Variants in RIMS2 observed in about 807,000 individuals in gnomAD.
The protein encoded by RIMS2 is regulating synaptic membrane exocytosis protein 2.
A neutral mutation model predicts 174.4 loss-of-function variants in RIMS2; 59 were observed. The ratio of observed to expected loss-of-function variants is 0.34; its 90% CI spans 0.27 to 0.42. The LOEUF (loss-of-function observed/expected upper bound fraction) is 0.42. Among genes scored for constraint, RIMS2 ranks in the 10% least tolerant of loss-of-function variants. The pLI is 1.00. For missense variants in RIMS2, 1,620 were observed against 1,666.3 expected (o/e 0.97, Z 0.48); for synonymous variants, 606 against 572.5 (o/e 1.06, Z -0.84).
At chr8:103,584,561 GA>G (rs950801829) in intron 1 of RIMS2, among the ~76,000 whole-genome samples, 34 of 152,176 alleles carry the variant, frequency 2.2e-4, no homozygotes, top group African/African-American at 7.7e-4. Context: ...AATTATTTAT[GA>G]AAAAAGAAAA....
chr8:104,127,428 T>C (rs1043968883), intron 19 of RIMS2, among the ~76,000 whole-genome samples: 17 of 152,146 alleles, frequency 1.1e-4, no homozygotes, highest in African/African-American at 3.9e-4. Flanking sequence ...TAGTAAGAGT[T>C]CACTATATTG....
intron 19 of RIMS2, among the ~76,000 whole-genome samples, chr8:104,140,371 C>T (rs905064603): frequency 1.3e-5 from 2 of 152,006 alleles, no homozygotes; most frequent in African/African-American, 2.4e-5. Flanking sequence ...GGGTTTATTC[C>T]CTTTTCTCTG....
chr8:104,070,050 A>G (rs894102081), intron 19 of RIMS2, among the ~76,000 whole-genome samples: 1 of 152,170 alleles, frequency 6.6e-6, no homozygotes, highest in African/African-American at 2.4e-5. Context: ...TACATACTTA[A>G]TCTGCAGTTT....
chr8:103,602,485 G>A (rs536925535), intron 1 of RIMS2, among the ~76,000 whole-genome samples: 5 of 151,680 alleles, frequency 3.3e-5, no homozygotes, highest in Non-Finnish European at 4.4e-5. Context: ...AGGCTCCAGC[G>A]TCTTTTGTTC....
Position 103,893,667 on chromosome 8 carries a change from A to G in RIMS2, c.1624+7444A>G, listed in dbSNP as rs545024480. ...AAATATTTTGTGATATGAAAATCACATGAAATTTAAATTTTAGTTTATGTA... is the reference window on the plus strand; with the variant it reads ...AAATATTTTGTGATATGAAAATCACGTGAAATTTAAATTTTAGTTTATGTA... On this transcript the variant is annotated intron_variant, in intron 4 of 23. Transcript: ENST00000504942. 9.0e-4 allele frequency among the ~76,000 whole-genome samples: 137 copies of G among 152,260 alleles called. 1 individual carries two copies. In the South Asian group the frequency reaches 0.027, roughly 30 times the overall value.
chr8:104,177,229 C>T (rs1444537853), intron 19 of RIMS2, among the ~76,000 whole-genome samples: 1 of 152,028 alleles, frequency 6.6e-6, no homozygotes, highest in Non-Finnish European at 1.5e-5. Context: ...GTGACTTTCT[C>T]AAGGTTTCAG....
At chr8:103,938,483 T>C (rs1300571919) in intron 13 of RIMS2, among the ~76,000 whole-genome samples, 2 of 152,070 alleles carry the variant, frequency 1.3e-5, no homozygotes, top group Admixed American at 6.6e-5. Flanking sequence ...ACTGGGTCCT[T>C]CCCACGACAC....
At chr8:103,980,720 C>G (rs561333340) in intron 16 of RIMS2, among the ~76,000 whole-genome samples, 1 of 152,268 alleles carries the variant, frequency 6.6e-6, no homozygotes, top group South Asian at 2.1e-4. Context: ...AGTCACAGGC[C>G]TGGCAGCATT....
At chr8:103,681,666 T>A (rs1275893740) in intron 1 of RIMS2, among the ~76,000 whole-genome samples, 1 of 152,020 alleles carries the variant, frequency 6.6e-6, no homozygotes, top group African/African-American at 2.4e-5. Flanking sequence ...GAAAAGAAAC[T>A]GCAAAAAAAT....
intron 12 of RIMS2, among the ~76,000 whole-genome samples, chr8:103,931,844 A>G (rs747444488): frequency 2.0e-5 from 3 of 152,108 alleles, no homozygotes; most frequent in Non-Finnish European, 2.9e-5. Flanking sequence ...TATTCTATAA[A>G]TTTAACAAGT....
At chr8:103,765,389 G>A (rs2098159187) in intron 2 of RIMS2, among the ~76,000 whole-genome samples, 2 of 152,114 alleles carry the variant, frequency 1.3e-5, no homozygotes. Flanking sequence ...GAAAAGGGCT[G>A]TTGCTGTTTA....
intron 1 of RIMS2, among the ~76,000 whole-genome samples, chr8:103,531,097 A>G (rs60687319): frequency 0.05 from 7,579 of 151,662 alleles, 260 homozygotes; most frequent in East Asian, 0.11. Flanking sequence ...TAGTAAAACT[A>G]TAGAATATAT....
chr8:104,027,490 C>T lies in RIMS2; in HGVS notation c.3334+12875C>T, dbSNP rs558290604. Among the ~76,000 whole-genome samples, 4 of 152,250 alleles carry T rather than the reference C, an allele frequency of 2.6e-5. No homozygotes were observed. The South Asian group carries it at 8.3e-4, about 32-fold the overall frequency. Reference sequence around the variant, plus strand: ...TGCAAACTTAGTCATTCTTCAAGGCCATATCATTGTTGACTTCCTAAATGC... The same window carrying T: ...TGCAAACTTAGTCATTCTTCAAGGCTATATCATTGTTGACTTCCTAAATGC... On this transcript the variant is annotated intron_variant, in intron 19 of 23. Coordinates refer to ENST00000504942, the Ensembl canonical transcript of RIMS2.
intron 19 of RIMS2, among the ~76,000 whole-genome samples, chr8:104,124,888 G>A (rs1463216352): frequency 6.6e-6 from 1 of 152,060 alleles, no homozygotes; most frequent in Non-Finnish European, 1.5e-5. Flanking sequence ...GCCCTATAGA[G>A]AACAAAGAGC....
chr8:103,704,763 G>A (rs966279945), intron 2 of RIMS2, among the ~76,000 whole-genome samples: 2 of 151,878 alleles, frequency 1.3e-5, no homozygotes, highest in East Asian at 1.9e-4. Context: ...GCATATATTT[G>A]TTCACAGTAG....
At chr8:103,836,769 A>C (rs540556388) in intron 3 of RIMS2, among the ~76,000 whole-genome samples, 2 of 152,342 alleles carry the variant, frequency 1.3e-5, no homozygotes, top group South Asian at 2.1e-4. Context: ...TGTAAATCTG[A>C]TGATGAAAAT....
Position 103,697,301 on chromosome 8 carries a change from A to T in RIMS2, c.387+5A>T. On this transcript the variant is annotated splice_donor_5th_base_variant and intron_variant, in intron 2 of 23. Coordinates refer to ENST00000504942, the Ensembl canonical transcript of RIMS2. Reference sequence around the variant, plus strand: ...GTGTCATTACGCTCAAACAAGGTACAGAAATGAAAATTACAGTTCTCTTCT... The same window carrying T: ...GTGTCATTACGCTCAAACAAGGTACTGAAATGAAAATTACAGTTCTCTTCT... The T allele has an allele frequency of 6.2e-7, 1 of 1,604,178 alleles. No homozygotes were observed. Among genetic ancestry groups the T allele is most frequent in the Non-Finnish European group, 8.5e-7 (1 of 1,170,964 alleles).
chr8:103,834,996 C>A lies in RIMS2; in HGVS notation c.699-50302C>A, dbSNP rs889737875. Among the ~76,000 whole-genome samples the A allele has an allele frequency of 5.3e-5, 8 of 151,860 alleles. No individual in the cohort carries two copies. In the South Asian group the frequency reaches 1.0e-3, roughly 20 times the overall value. ...ATGTTGTCCAGGCGGGTCTTGAACTCCTGGACTCAAGCGATCTGCCCACCT... is the reference window on the plus strand; with the variant it reads ...ATGTTGTCCAGGCGGGTCTTGAACTACTGGACTCAAGCGATCTGCCCACCT... On this transcript the variant is annotated intron_variant, in intron 3 of 23. Transcript: ENST00000504942.
At chr8:104,230,573 G>A (rs902033523) in intron 19 of RIMS2, among the ~76,000 whole-genome samples, 5 of 152,214 alleles carry the variant, frequency 3.3e-5, no homozygotes, top group African/African-American at 1.2e-4. Flanking sequence ...TTGAACCCTG[G>A]AGGCGGAAGT....
Sources: gnomAD v4.1 joint callset for allele counts (sites outside exome capture counted in the v4.1 genomes callset) on GRCh38, gnomAD v4.1.1 for gene constraint, MANE v1.5 for transcripts, NCBI Gene and HGNC (gene_info 2026-07-23, HGNC 2026-07-21) for gene names.